The following IGSF3 variants were observed in gnomAD, a reference collection of about 807,000 sequenced individuals.
The protein encoded by IGSF3 is immunoglobulin superfamily member 3, also known as glu-Trp-Ile EWI motif-containing protein 3.
IGSF3 carries 23 observed loss-of-function variants against 114.4 expected under a neutral mutation model. The ratio of observed to expected loss-of-function variants is 0.20; its 90% CI spans 0.14 to 0.28. The LOEUF is 0.28. IGSF3 is among the 10% of genes least tolerant of loss of function. The pLI is 1.00. For synonymous variants in IGSF3, 571 were observed against 645.2 expected, an observed-to-expected ratio of 0.88 and a Z score of 1.74; for missense variants, 1,172 against 1,591.5, an observed-to-expected ratio of 0.74 and a Z score of 4.48.
chr1:116,665,470 C>T lies in IGSF3; in HGVS notation c.43+814G>A, dbSNP rs114793741. Among the ~76,000 whole-genome samples, 1,444 of 152,248 alleles carry T rather than the reference C, an allele frequency of 9.5e-3. 25 individuals are homozygous for T. The highest frequency in any genetic ancestry group is 0.033 in the African/African-American group (1,361 of 41,532). On this transcript the variant is annotated intron_variant, in intron 2 of 10. Coordinates refer to ENST00000369486, the MANE Select transcript of IGSF3 (RefSeq NM_001007237.3). The surrounding 1 kb of genome is among the most constrained non-coding windows in gnomAD (Gnocchi z 4.0). ...CCTAGACCTGAGATGTGTTCTAAGA[C>T]AGCACGCTGAAGACAGTGCTCAATG...
intron 2 of IGSF3, among the ~76,000 whole-genome samples, chr1:116,626,079 A>G (rs1177646002): frequency 6.6e-6 from 1 of 152,224 alleles, no homozygotes; most frequent in Non-Finnish European, 1.5e-5. Context: ...CCATAACTCA[A>G]AAATATTTTA....
Position 116,603,439 on chromosome 1 carries a change from T to C in IGSF3, c.1624+185A>G, listed in dbSNP as rs942905083. Among the ~76,000 whole-genome samples the C allele has an allele frequency of 8.5e-5, 13 of 152,212 alleles. No homozygotes were observed. Among genetic ancestry groups the C allele is most frequent in the Admixed American group, 2.0e-4 (3 of 15,282 alleles). ...TGGGTCCCTCAGTCCCTGCTAGCAC[T>C]ATCTTAATTAATTAAACCCTTATAA... On this transcript the variant is annotated intron_variant, in intron 6 of 10. Transcript: ENST00000369486. The surrounding 1 kb of genome is among the most constrained non-coding windows in gnomAD (Gnocchi z 7.1).
rs922344183 is a variant in IGSF3 at position 116,586,804 on chromosome 1, T to C, written c.2441-1752A>G. 2.0e-5 allele frequency among the ~76,000 whole-genome samples: 3 copies of C among 151,986 alleles called. No homozygotes were observed. The South Asian group carries it at 6.3e-4, about 32-fold the overall frequency. ...TTTCAGTAGAGAAAATAATCAGAAC[T>C]GAAAACAGATGAAAAATAGGAACCA... On this transcript the variant is annotated intron_variant, in intron 8 of 10. Transcript: ENST00000369486.
At position 116,636,180 on chromosome 1, in the gene IGSF3, T is replaced by C. The variant is rs1364873619; in HGVS notation, c.44-19723A>G. Among the ~76,000 whole-genome samples, 1 of 152,174 alleles carries C rather than the reference T, an allele frequency of 6.6e-6. No homozygotes were observed. Among genetic ancestry groups the C allele is most frequent in the Non-Finnish European group, 1.5e-5 (1 of 68,018 alleles). ...TCCTGAGAGCCGCTCCACAATCACC[T>C]TCCCAAGAAGAATTCCCCATACCGA... is the stretch of plus-strand genomic sequence containing the variant. On this transcript the variant is annotated intron_variant, in intron 2 of 10. Transcript: ENST00000369486. The surrounding 1 kb of genome is among the most constrained non-coding windows in gnomAD (Gnocchi z 4.5).
chr1:116,618,881 G>A lies in IGSF3; in HGVS notation c.44-2424C>T, dbSNP rs1661315820. Among the ~76,000 whole-genome samples, 3 of 152,178 alleles carry A rather than the reference G, an allele frequency of 2.0e-5. No homozygotes were observed. The highest frequency in any genetic ancestry group is 7.2e-5 in the African/African-American group (3 of 41,436). ...TACATCTCCTGCAAAGAAGGCTAGA[G>A]GCAAGTCAGGGTACACCAGCATCTT... On this transcript the variant is annotated intron_variant, in intron 2 of 10. Transcript: ENST00000369486. This position sits in a 1 kb window ranked among gnomAD's most constrained non-coding sequence, Gnocchi z 4.7.
At chr1:116,601,210 G>A (rs1350062295) in intron 6 of IGSF3, among the ~76,000 whole-genome samples, 1 of 152,208 alleles carries the variant, frequency 6.6e-6, no homozygotes, top group South Asian at 2.1e-4. Context: ...TCCTGCAGAT[G>A]TAGAAACTGA....
chr1:116,640,037 C>CGAAAA (rs1261130855), intron 2 of IGSF3, among the ~76,000 whole-genome samples: 9 of 65,270 alleles, frequency 1.4e-4, no homozygotes, highest in African/African-American at 4.5e-4. Context: ...GACTCTATCT[C>CGAAAA]AAAAAAAAAA....
chr1:116,578,832 A>G (rs796788538), intron 10 of IGSF3, among the ~76,000 whole-genome samples: 7 of 152,300 alleles, frequency 4.6e-5, no homozygotes, highest in African/African-American at 1.7e-4. Context: ...TGGAAACTGC[A>G]TTCTGGGCAG....
intron 7 of IGSF3, among the ~76,000 whole-genome samples, chr1:116,599,040 G>A (rs963043345): frequency 6.6e-6 from 1 of 152,162 alleles, no homozygotes; most frequent in African/African-American, 2.4e-5. Context: ...GGGCCTGGGT[G>A]CAGGCAACAT....
At chr1:116,658,278 G>A (rs1405272544) in intron 2 of IGSF3, among the ~76,000 whole-genome samples, 4 of 152,188 alleles carry the variant, frequency 2.6e-5, no homozygotes, top group East Asian at 1.9e-4. Context: ...GACCTCAAGC[G>A]ATCCACCCGC....
At position 116,579,993 on chromosome 1, in the gene IGSF3, G is replaced by C. The variant is rs1016819151; in HGVS notation, c.2849-116C>G. ...TAACATCCATACTATAAGATATTAT[G>C]CACCTATTGAAAAGGCATAGGCAGT... On this transcript the variant is annotated intron_variant, in intron 9 of 10. Transcript: ENST00000369486. The surrounding 1 kb of genome is among the most constrained non-coding windows in gnomAD (Gnocchi z 6.4). 11 of 990,876 alleles carry C rather than the reference G, an allele frequency of 1.1e-5. No individual in the cohort carries two copies. The highest frequency in any genetic ancestry group is 1.6e-5 in the African/African-American group (1 of 61,160). The allele number at this position is 990,876 out of a possible 1,614,324, so 61.4% of individuals were successfully genotyped here.
chr1:116,620,271 A>C (rs1661372724), intron 2 of IGSF3, among the ~76,000 whole-genome samples: 1 of 152,210 alleles, frequency 6.6e-6, no homozygotes, highest in Admixed American at 6.5e-5. Flanking sequence ...GGCCACGCTT[A>C]GAGTTGTGGA....
rs1308397722 is a variant in IGSF3 at position 116,583,464 on chromosome 1, C to A, written c.2848+1181G>T. Among the ~76,000 whole-genome samples the A allele has an allele frequency of 6.6e-6, 1 of 152,172 alleles. No homozygotes were observed. Among genetic ancestry groups the A allele is most frequent in the Admixed American group, 6.5e-5 (1 of 15,282 alleles). On this transcript the variant is annotated intron_variant, in intron 9 of 10. Transcript: ENST00000369486. This position sits in a 1 kb window ranked among gnomAD's most constrained non-coding sequence, Gnocchi z 4.5. ...TGAGATACTGCCCATTTCCTATAAC[C>A]AAGGCTGCAGTGCCTCCCTGAAGCA...
chr1:116,575,868 A>G lies in IGSF3; in HGVS notation c.*1444T>C, dbSNP rs1345172598. 1 of 152,302 alleles carries G rather than the reference A, an allele frequency of 6.6e-6. No homozygotes were observed. The highest frequency in any genetic ancestry group is 1.5e-5 in the Non-Finnish European group (1 of 68,084). 9.4% of individuals were successfully genotyped at this position (152,302 alleles called of 1,614,324 possible). A position where few individuals can be genotyped will look rare whatever the true frequency, so the allele number is the denominator to read the frequency against. ...AGGGGCGTTAAAATAAAAAGCCACC[A>G]TAACAATGAACAACCAAACAACCTA... On this transcript the variant is annotated 3_prime_UTR_variant, in exon 11 of 11. Coordinates refer to ENST00000369486, the MANE Select transcript of IGSF3 (RefSeq NM_001007237.3). The surrounding 1 kb of genome is among the most constrained non-coding windows in gnomAD (Gnocchi z 5.6).
At chr1:116,641,495 C>CAAAAAAAAAAAAAAAAAAAAAAAAAAAA (rs57930787) in intron 2 of IGSF3, among the ~76,000 whole-genome samples, 2 of 40,696 alleles carry the variant, frequency 4.9e-5, no homozygotes, top group Admixed American at 3.2e-4. Flanking sequence ...GACTCTGTCT[C>CAAAAAAAAAAAAAAAAAAAAAAAAAAAA]AAAAAAAAAA....
At chr1:116,606,893 C>A (rs1172204597) in intron 5 of IGSF3, among the ~76,000 whole-genome samples, 1 of 152,110 alleles carries the variant, frequency 6.6e-6, no homozygotes, top group Non-Finnish European at 1.5e-5. Flanking sequence ...TATGTGTGTG[C>A]ATGGTTTTTA....
chr1:116,616,130 C>G lies in IGSF3; in HGVS notation c.371G>C (p.Ser124Thr). ...DAGEYECHTPSTDKQYFGSYS... is the reference protein window; with the variant it reads ...DAGEYECHTPTTDKQYFGSYS... ...ACTCCCAAAGTATTGCTTATCAGTG[C>G]TGGGTGTGTGGCATTCATACTCCCC... The change falls in exon 3 of 11, where the codon AGC becomes ACC. Residue 124 changes from serine (S) to threonine (T), a missense_variant. Transcript: ENST00000369486. This position sits in a 1 kb window ranked among gnomAD's most constrained non-coding sequence, Gnocchi z 6.6. 6.2e-7 allele frequency: 1 copy of G among 1,613,588 alleles called. No individual in the cohort carries two copies. The highest frequency in any genetic ancestry group is 8.5e-7 in the Non-Finnish European group (1 of 1,179,506).
At chr1:116,667,171 CT>C (rs1245002038) in intron 1 of IGSF3, among the ~76,000 whole-genome samples, 3 of 152,166 alleles carry the variant, frequency 2.0e-5, no homozygotes, top group Non-Finnish European at 4.4e-5. Flanking sequence ...TCCTGAAATA[CT>C]TCCACCAAAT....
chr1:116,606,464 G>A (rs1256876132), intron 5 of IGSF3: 1 of 1,612,668 alleles, frequency 6.2e-7, no homozygotes, highest in Non-Finnish European at 8.5e-7. Context: ...TTACCGATGT[G>A]ATTGTTGTTG....
Sources: allele counts gnomAD v4.1 joint callset (sites outside exome capture counted in the v4.1 genomes callset), GRCh38; gene constraint gnomAD v4.1.1; non-coding constraint Gnocchi (gnomAD v3.1); transcripts MANE v1.5; gene names NCBI Gene and HGNC (gene_info 2026-07-23, HGNC 2026-07-21).